Variants in TSHZ2 observed in about 807,000 individuals in gnomAD.
TSHZ2 encodes teashirt homolog 2.
In TSHZ2, 21 loss-of-function variants were observed where a neutral mutation model predicts 74.4. The ratio of observed to expected loss-of-function variants is 0.28; its 90% CI spans 0.20 to 0.41. The LOEUF is 0.41. TSHZ2 is among the 10% of genes least tolerant of loss of function. The probability of loss-of-function intolerance (pLI) is 1.00; values close to 1 mark genes in which losing one functional copy is unlikely to be tolerated. For synonymous variants in TSHZ2, 540 were observed against 515.3 expected (o/e 1.05, Z -0.65); for missense variants, 1,244 against 1,293.5 (o/e 0.96, Z 0.59).
chr20:53,419,162 G>GTTC (rs1163030874), intron 2 of TSHZ2, among the ~76,000 whole-genome samples: 1 of 152,182 alleles, frequency 6.6e-6, no homozygotes, highest in African/African-American at 2.4e-5. Context: ...AGGTTGTTTT[G>GTTC]TTCTACTTGT....
chr20:53,010,383 A>G (rs1982805661), intron 1 of TSHZ2, among the ~76,000 whole-genome samples: 1 of 151,840 alleles, frequency 6.6e-6, no homozygotes, highest in Non-Finnish European at 1.5e-5. Flanking sequence ...ACACTCCTAA[A>G]GGAAGCAAAG....
chr20:53,324,396 G>A (rs1256599312), intron 2 of TSHZ2, among the ~76,000 whole-genome samples: 1 of 151,898 alleles, frequency 6.6e-6, no homozygotes, highest in East Asian at 1.9e-4. Flanking sequence ...TTTGTTTTTT[G>A]AGACAAGGTG....
intron 2 of TSHZ2, among the ~76,000 whole-genome samples, chr20:53,471,212 T>C (rs1046453852): frequency 4.6e-5 from 7 of 152,204 alleles, no homozygotes; most frequent in Admixed American, 6.5e-5. Flanking sequence ...TCTAGGTACA[T>C]CTATTTTTTT....
intron 1 of TSHZ2, among the ~76,000 whole-genome samples, chr20:53,008,228 G>C (rs1019219752): frequency 6.6e-6 from 1 of 152,192 alleles, no homozygotes; most frequent in Non-Finnish European, 1.5e-5. Context: ...ATGGAAAGAG[G>C]AGAGAAGTAG....
intron 1 of TSHZ2, among the ~76,000 whole-genome samples, chr20:53,171,246 A>G (rs1988194024): frequency 6.6e-6 from 1 of 152,244 alleles, no homozygotes; most frequent in African/African-American, 2.4e-5. Flanking sequence ...ATGTTCCCGT[A>G]TGTGAATTTT....
intron 2 of TSHZ2, among the ~76,000 whole-genome samples, chr20:53,360,616 T>C (rs1981013660): frequency 1.3e-5 from 2 of 152,232 alleles, no homozygotes; most frequent in Non-Finnish European, 2.9e-5. Flanking sequence ...ACATCACAGT[T>C]AGACAGTCTT....
Position 53,372,402 on chromosome 20 carries a change from A to G in TSHZ2, c.*9-114742A>G, listed in dbSNP as rs553764338. 2.3e-3 allele frequency among the ~76,000 whole-genome samples: 352 copies of G among 152,200 alleles called. 3 individuals carry two copies. The highest frequency in any genetic ancestry group is 8.0e-3 in the African/African-American group (333 of 41,522). ...TGAGATAGGAAAATCGCCTGAACCC[A>G]AGAAGCAGAGGTTGCAGTGATCGGA... On this transcript the variant is annotated intron_variant, in intron 2 of 2. Coordinates refer to ENST00000371497, the MANE Select transcript of TSHZ2 (RefSeq NM_173485.6).
At chr20:53,175,361 C>T (rs1988311859) in intron 1 of TSHZ2, among the ~76,000 whole-genome samples, 1 of 151,950 alleles carries the variant, frequency 6.6e-6, no homozygotes, top group Non-Finnish European at 1.5e-5. Context: ...AGGCTGGTCT[C>T]TAACTCCTGA....
At chr20:53,290,832 T>G (rs1383014926) in intron 2 of TSHZ2, among the ~76,000 whole-genome samples, 2 of 152,232 alleles carry the variant, frequency 1.3e-5, no homozygotes, top group African/African-American at 4.8e-5. Context: ...ATGTCAAGGG[T>G]TGGCAAATCC....
At chr20:53,228,023 T>G (rs1237768268) in intron 1 of TSHZ2, among the ~76,000 whole-genome samples, 1 of 147,858 alleles carries the variant, frequency 6.8e-6, no homozygotes. Context: ...AATGGTGTTT[T>G]TTTTTTTTTT....
At chr20:53,334,398 TG>T (rs1168592480) in intron 2 of TSHZ2, among the ~76,000 whole-genome samples, 3 of 151,112 alleles carry the variant, frequency 2.0e-5, no homozygotes, top group African/African-American at 4.9e-5. Flanking sequence ...GCATTCTAAG[TG>T]GGGGAACAGC....
At chr20:53,384,894 G>T (rs994719146) in intron 2 of TSHZ2, among the ~76,000 whole-genome samples, 1 of 152,186 alleles carries the variant, frequency 6.6e-6, no homozygotes, top group Non-Finnish European at 1.5e-5. Context: ...AGGCCAAGGC[G>T]GGTGGGTCAC....
At chr20:53,198,900 G>A (rs1281262783) in intron 1 of TSHZ2, among the ~76,000 whole-genome samples, 1 of 152,068 alleles carries the variant, frequency 6.6e-6, no homozygotes, top group Non-Finnish European at 1.5e-5. Context: ...TAGAAAATAA[G>A]GATCAGAGAG....
intron 1 of TSHZ2, among the ~76,000 whole-genome samples, chr20:53,028,732 A>C (rs117856675): frequency 1.3e-5 from 2 of 152,104 alleles, no homozygotes; most frequent in African/African-American, 4.8e-5. Flanking sequence ...CACACTTTAC[A>C]TGTTCCAGGA....
chr20:53,211,549 T>C (rs967790446), intron 1 of TSHZ2, among the ~76,000 whole-genome samples: 1 of 151,766 alleles, frequency 6.6e-6, no homozygotes, highest in Admixed American at 6.6e-5. Context: ...TAAAGTAATA[T>C]CAAGAATAAT....
chr20:52,978,792 G>A (rs180681293), intron 1 of TSHZ2, among the ~76,000 whole-genome samples: 326 of 152,126 alleles, frequency 2.1e-3, no homozygotes, highest in Non-Finnish European at 3.5e-3. Flanking sequence ...TTATTTCTTT[G>A]AGAGAAATTT....
At chr20:53,007,718 G>A (rs965315851) in intron 1 of TSHZ2, among the ~76,000 whole-genome samples, 21 of 144,060 alleles carry the variant, frequency 1.5e-4, no homozygotes, top group South Asian at 8.7e-4. Context: ...ATGTATACTC[G>A]TGTGTGTGTA....
Position 53,493,163 on chromosome 20 carries a change from CTTG to C in TSHZ2, c.*6031_*6033del, listed in dbSNP as rs1424411653. 6.6e-6 allele frequency: 1 copy of C among 152,176 alleles called. No individual in the cohort carries two copies. Among genetic ancestry groups the C allele is most frequent in the Non-Finnish European group, 1.5e-5 (1 of 68,028 alleles). 9.4% of individuals were successfully genotyped at this position (152,176 alleles called of 1,614,324 possible). A position where few individuals can be genotyped will look rare whatever the true frequency, so the allele number is the denominator to read the frequency against. The stretch of plus-strand genomic sequence containing the variant: ...ATGAACACAGATTTTGTTATATTTG[CTTG>C]TTTCTGTTTCCTACCAAACTGGCCC... On this transcript the variant is annotated 3_prime_UTR_variant, in exon 3 of 3. Coordinates refer to ENST00000371497, the MANE Select transcript of TSHZ2 (RefSeq NM_173485.6).
At chr20:53,157,282 T>A (rs1600716271) in intron 1 of TSHZ2, among the ~76,000 whole-genome samples, 1 of 151,898 alleles carries the variant, frequency 6.6e-6, no homozygotes, top group Non-Finnish European at 1.5e-5. Context: ...ATTCTACCTT[T>A]TATCAGTGTC....
Sources: allele counts gnomAD v4.1 joint callset (sites outside exome capture counted in the v4.1 genomes callset), GRCh38; gene constraint gnomAD v4.1.1; transcripts MANE v1.5; gene names NCBI Gene and HGNC (gene_info 2026-07-23, HGNC 2026-07-21).